Variants in DLG2 observed in about 807,000 individuals in gnomAD.
The protein encoded by DLG2 is discs large MAGUK scaffold protein 2.
Under a neutral mutation model 132.5 loss-of-function variants are expected in DLG2, and 45 were observed. That is an observed-to-expected ratio of 0.34 (90% CI 0.27 to 0.44). The LOEUF is 0.44. Among genes scored for constraint, DLG2 ranks in the 20% least tolerant of loss-of-function variants. The probability of loss-of-function intolerance (pLI) is 1.00; values close to 1 mark genes in which losing one functional copy is unlikely to be tolerated. For synonymous variants in DLG2, 424 were observed against 419.6 expected, an observed-to-expected ratio of 1.01 and a Z score of -0.13; for missense variants, 1,045 against 1,196.9, an observed-to-expected ratio of 0.87 and a Z score of 1.87.
intron 20 of DLG2, among the ~76,000 whole-genome samples, chr11:83,541,373 G>C (rs537734652): frequency 2.0e-5 from 3 of 152,210 alleles, no homozygotes; most frequent in East Asian, 3.9e-4. Flanking sequence ...TTTGTAAGTC[G>C]GCATATGAGC....
chr11:84,264,064 G>A (rs1408294751), intron 7 of DLG2, among the ~76,000 whole-genome samples: 2 of 152,056 alleles, frequency 1.3e-5, no homozygotes, highest in Non-Finnish European at 2.9e-5. Flanking sequence ...GTTCAATTTG[G>A]AAACATTTCC....
intron 2 of DLG2, among the ~76,000 whole-genome samples, chr11:85,604,577 C>G (rs2080394841): frequency 6.6e-6 from 1 of 151,858 alleles, no homozygotes; most frequent in Non-Finnish European, 1.5e-5. Context: ...TAAATTGCCT[C>G]AATTCTCCTG....
intron 8 of DLG2, among the ~76,000 whole-genome samples, chr11:84,194,358 G>T (rs2096472796): frequency 6.6e-6 from 1 of 152,120 alleles, no homozygotes; most frequent in Non-Finnish European, 1.5e-5. Context: ...CTTTCTTCTG[G>T]TGGGTTCATG....
intron 17 of DLG2, among the ~76,000 whole-genome samples, chr11:83,823,297 T>G (rs779129448): frequency 2.6e-5 from 4 of 152,110 alleles, no homozygotes; most frequent in Non-Finnish European, 1.5e-5. Flanking sequence ...GTTTAGATGT[T>G]TACATAGAGA....
At chr11:83,742,870 T>C (rs1490378091) in intron 18 of DLG2, among the ~76,000 whole-genome samples, 1 of 152,148 alleles carries the variant, frequency 6.6e-6, no homozygotes, top group Non-Finnish European at 1.5e-5. Context: ...ATTTAACATA[T>C]AGTTATGGCA....
intron 3 of DLG2, among the ~76,000 whole-genome samples, chr11:85,422,172 TC>T (rs774928894): frequency 2.4e-4 from 36 of 152,368 alleles, no homozygotes; most frequent in Non-Finnish European, 4.4e-4. Flanking sequence ...TAGGCAATAA[TC>T]TTTTTGCAAT....
chr11:84,467,528 G>A (rs765131522), intron 7 of DLG2, among the ~76,000 whole-genome samples: 18 of 151,166 alleles, frequency 1.2e-4, no homozygotes, highest in African/African-American at 3.1e-4. Context: ...TTTTCTATAC[G>A]TTTTTAATTA....
chr11:84,632,694 C>T (rs373361657), intron 6 of DLG2, among the ~76,000 whole-genome samples: 22 of 152,134 alleles, frequency 1.4e-4, no homozygotes, highest in Non-Finnish European at 2.4e-4. Flanking sequence ...CTTAAGCCAT[C>T]CCTGAAGGTA....
intron 18 of DLG2, among the ~76,000 whole-genome samples, chr11:83,747,155 CAA>C (rs1593537220): frequency 6.6e-6 from 1 of 152,128 alleles, no homozygotes; most frequent in African/African-American, 2.4e-5. Flanking sequence ...ATATCAAACT[CAA>C]AATTACCTGC....
intron 3 of DLG2, among the ~76,000 whole-genome samples, chr11:85,504,138 A>G (rs1199003832): frequency 6.6e-6 from 1 of 152,146 alleles, no homozygotes; most frequent in Admixed American, 6.6e-5. Flanking sequence ...GTAGATTGCA[A>G]AAATTTTCTC....
chr11:84,404,504 C>T (rs530562196), intron 7 of DLG2, among the ~76,000 whole-genome samples: 1 of 152,248 alleles, frequency 6.6e-6, no homozygotes, highest in African/African-American at 2.4e-5. Context: ...CTCTGTTTGT[C>T]TTATTTCCTA....
chr11:85,171,120 A>G (rs2078835076), intron 4 of DLG2, among the ~76,000 whole-genome samples: 1 of 152,190 alleles, frequency 6.6e-6, no homozygotes, highest in Non-Finnish European at 1.5e-5. Flanking sequence ...GGGGTGCCAG[A>G]TAAGATAGCC....
intron 14 of DLG2, among the ~76,000 whole-genome samples, chr11:83,937,440 G>A (rs891506389): frequency 5.3e-5 from 8 of 150,728 alleles, no homozygotes; most frequent in Middle Eastern, 3.4e-3. Context: ...CCTGGAAGGC[G>A]GAGTTTGCAG....
chr11:85,517,636 G>T (rs1350909660), intron 3 of DLG2, among the ~76,000 whole-genome samples: 2 of 151,150 alleles, frequency 1.3e-5, no homozygotes, highest in African/African-American at 2.4e-5. Flanking sequence ...AAGAGACAGG[G>T]TCTCACTCTG....
chr11:84,076,628 T>C (rs1319398544), intron 10 of DLG2, among the ~76,000 whole-genome samples: 1 of 152,200 alleles, frequency 6.6e-6, no homozygotes, highest in Non-Finnish European at 1.5e-5. Context: ...CTGTTGCAGT[T>C]GTCTGGCAAA....
At chr11:84,963,038 C>T (rs1288607628) in intron 6 of DLG2, among the ~76,000 whole-genome samples, 1 of 152,168 alleles carries the variant, frequency 6.6e-6, no homozygotes, top group African/African-American at 2.4e-5. Context: ...ATTGCAGTGG[C>T]TCCCATAATA....
intron 6 of DLG2, among the ~76,000 whole-genome samples, chr11:85,108,204 G>A (rs894819160): frequency 7.9e-5 from 12 of 152,058 alleles, no homozygotes; most frequent in Non-Finnish European, 1.3e-4. Context: ...TTTGCAAAAT[G>A]TAATAAAGCC....
chr11:84,805,250 C>A (rs1018085426), intron 6 of DLG2, among the ~76,000 whole-genome samples: 3 of 152,088 alleles, frequency 2.0e-5, no homozygotes, highest in African/African-American at 7.2e-5. Context: ...ACAGAGACAG[C>A]ATGGGAAACT....
At chr11:84,991,406 G>A (rs1339237204) in intron 6 of DLG2, among the ~76,000 whole-genome samples, 1 of 151,326 alleles carries the variant, frequency 6.6e-6, no homozygotes, top group East Asian at 2.0e-4. Context: ...CTACTCAGAA[G>A]GCTGAAGTGG....
Sources: gnomAD v4.1 joint callset for allele counts (sites outside exome capture counted in the v4.1 genomes callset) on GRCh38, gnomAD v4.1.1 for gene constraint, MANE v1.5 for transcripts, NCBI Gene and HGNC (gene_info 2026-07-23, HGNC 2026-07-21) for gene names.